The following RNFT1 variants were observed in gnomAD, a reference collection of about 807,000 sequenced individuals.
The protein encoded by RNFT1 is ring finger protein, transmembrane 1, also known as E3 ubiquitin-protein ligase RNFT1.
Under a neutral mutation model 53.2 loss-of-function variants are expected in RNFT1, and 35 were observed. That is an observed-to-expected ratio of 0.66 (90% CI 0.50 to 0.87). The LOEUF (loss-of-function observed/expected upper bound fraction) is 0.87, where lower values mean the gene tolerates loss of function less well. RNFT1 is among the 40% of genes least tolerant of loss of function. RNFT1 has a pLI of 0.00. For missense variants in RNFT1, 421 were observed against 515.0 expected (o/e 0.82, Z 1.77); for synonymous variants, 141 against 172.8 (o/e 0.82, Z 1.44).
intron 7 of RNFT1, among the ~76,000 whole-genome samples, chr17:59,955,142 C>T (rs1282097132): frequency 6.6e-6 from 1 of 152,128 alleles, no homozygotes; most frequent in East Asian, 1.9e-4. Context: ...ACTTCTTGTA[C>T]TAAAACGTCT....
chr17:59,964,558 G>T (rs1487051426), intron 1 of RNFT1, 50 bp downstream of exon 1: 1 of 1,543,714 alleles, frequency 6.5e-7, no homozygotes, highest in Non-Finnish European at 8.8e-7. Flanking sequence ...AGCCCCCTGC[G>T]CCGCGGCCCC....
At chr17:59,960,298 G>A (rs376044935) in intron 3 of RNFT1, 130 bp from the exon 4 acceptor site, 2 of 959,268 alleles carry the variant, frequency 2.1e-6, no homozygotes, top group East Asian at 3.1e-5. Flanking sequence ...ATGTTAAACT[G>A]TACATAATCA....
Position 59,957,340 on chromosome 17 carries a change from G to A in RNFT1, c.889C>T (p.Arg297Ter), listed in dbSNP as rs780311442. ...CAAACTGGTATGGGAACAAAAGTTC[G>A]GTAGTATTGACACAATTCTTCTAAA... The part of the protein sequence containing the change: ...MLLEELCQYY[R>*]TFVPIPVWFR... The change falls in exon 6 of 9, where the codon CGA (arginine) becomes TGA (stop). Residue 297 changes from arginine to a stop codon, truncating the protein, a stop_gained. Coordinates refer to ENST00000305783, the MANE Select transcript of RNFT1 (RefSeq NM_016125.4). LOFTEE classifies it high-confidence loss of function. 6.2e-6 allele frequency: 10 copies of A among 1,613,634 alleles called. No homozygotes were observed. The highest frequency in any genetic ancestry group is 1.1e-5 in the South Asian group (1 of 91,004).
intron 3 of RNFT1, among the ~76,000 whole-genome samples, chr17:59,961,582 CTCTT>C (rs1390447317): frequency 6.6e-6 from 1 of 151,630 alleles, no homozygotes; most frequent in Non-Finnish European, 1.5e-5. Context: ...TTCATTTTCT[CTCTT>C]TTTTTTTTTG....
intron 1 of RNFT1, among the ~76,000 whole-genome samples, 180 bp from the exon 2 acceptor site, chr17:59,963,464 C>T (rs994748286): frequency 6.6e-6 from 1 of 151,720 alleles, no homozygotes; most frequent in Admixed American, 6.6e-5. Context: ...TGCTGCCCTA[C>T]ACAAATGATC....
chr17:59,955,739 C>T lies in RNFT1; in HGVS notation c.1071+749G>A, dbSNP rs563680388. Among the ~76,000 whole-genome samples the T allele has an allele frequency of 3.3e-5, 5 of 152,102 alleles. No individual in the cohort carries two copies. The South Asian group carries it at 6.2e-4, about 19-fold the overall frequency. ...AGACATAATTCTTTTTTTATTTTTA[C>T]GGTATATTATTCGGTTGGCATTCTT... On this transcript the variant is annotated intron_variant, in intron 7 of 8. Coordinates refer to ENST00000305783, the MANE Select transcript of RNFT1 (RefSeq NM_016125.4).
At chr17:59,961,882 C>CTTTTTTTT (rs71370154) in intron 3 of RNFT1, among the ~76,000 whole-genome samples, 2 of 91,458 alleles carry the variant, frequency 2.2e-5, no homozygotes, top group Non-Finnish European at 4.0e-5. Flanking sequence ...TGGCCCAGGT[C>CTTTTTTTT]TTTTTTTTTT....
At position 59,953,047 on chromosome 17, in the gene RNFT1, C is replaced by T. The variant is rs1304644578; in HGVS notation, c.1238G>A (p.Arg413Lys). 6.2e-7 allele frequency: 1 copy of T among 1,612,918 alleles called. No individual in the cohort carries two copies. ...GTTTATATGGTCTGAAATCACAGTT[C>T]TGCAGAGTGGACATGTTTTCTCTCT... Reference protein sequence around the residue: ...FNREKTCPLCRTVISDHINKW... With the variant: ...FNREKTCPLCKTVISDHINKW... The change falls in exon 9 of 9, where the codon AGA (arginine) becomes AAA (lysine). Residue 413 changes from arginine (R) to lysine (K), a missense_variant. Transcript: ENST00000305783.
rs894324258 is a variant in RNFT1 at position 59,953,085 on chromosome 17, G to A, written c.1200C>T (p.Thr400=). The part of the protein sequence containing the change: ...CQHIFCEECM[T]LWFNREKTCP... ...ATGTTTTCTCTCTGTTAAACCATAA[G>A]GTCATGCACTCTTCACAAAATATAT... The change falls in exon 9 of 9, where the codon ACC becomes ACT. Residue 400 remains threonine, a synonymous_variant. Coordinates refer to ENST00000305783, the MANE Select transcript of RNFT1 (RefSeq NM_016125.4). 6.2e-7 allele frequency: 1 copy of A among 1,609,392 alleles called. No individual in the cohort carries two copies. The highest frequency in any genetic ancestry group is 8.5e-7 in the Non-Finnish European group (1 of 1,176,248).
At chr17:59,957,592 G>A (rs1175159490) in intron 5 of RNFT1, among the ~76,000 whole-genome samples, 1 of 152,100 alleles carries the variant, frequency 6.6e-6, no homozygotes, top group African/African-American at 2.4e-5. Context: ...TAGGTTGGAC[G>A]CAGTGGCTCC....
rs2145122419 is a variant in RNFT1, at chr17:59,964,702, A to G, written c.-39T>C. The G allele has an allele frequency of 1.3e-6, 2 of 1,571,522 alleles. No homozygotes were observed. Among genetic ancestry groups the G allele is most frequent in the East Asian group, 4.8e-5 (2 of 41,806 alleles). On this transcript the variant is annotated 5_prime_UTR_variant, in exon 1 of 9. Coordinates refer to ENST00000305783, the MANE Select transcript of RNFT1 (RefSeq NM_016125.4). ...CCCTTCAGTCGGGGCCATCAACCGC[A>G]AACCCCGCAAGCTCTTCTCTCAGCC... is the stretch of plus-strand genomic sequence containing the variant.
chr17:59,959,894 A>G, intron 4 of RNFT1, 174 bp downstream of exon 4: 1 of 502,114 alleles, frequency 2.0e-6, no homozygotes, highest in South Asian at 3.8e-5. Context: ...TGGGCGAGAG[A>G]GTGAGACTCC....
intron 7 of RNFT1, among the ~76,000 whole-genome samples, chr17:59,956,139 A>G (rs112808730): frequency 4.7e-4 from 71 of 152,304 alleles, no homozygotes; most frequent in African/African-American, 1.6e-3. Context: ...AGGAACAAAC[A>G]AAGCCCCCAT....
intron 5 of RNFT1, 82 bp from the exon 6 acceptor site, chr17:59,957,464 A>G (rs1209527530): frequency 4.5e-6 from 4 of 895,062 alleles, no homozygotes; most frequent in Non-Finnish European, 6.7e-6. Flanking sequence ...GAGAACACTG[A>G]GTATATTATA....
At chr17:59,956,938 A>G (rs771175584) in intron 6 of RNFT1, among the ~76,000 whole-genome samples, 22 of 152,226 alleles carry the variant, frequency 1.4e-4, no homozygotes, top group Non-Finnish European at 2.5e-4. Context: ...GTGTATGACA[A>G]TGTTACTGTT....
chr17:59,960,881 G>T (rs746249689), intron 3 of RNFT1, among the ~76,000 whole-genome samples: 16 of 151,704 alleles, frequency 1.1e-4, no homozygotes, highest in African/African-American at 1.7e-4. Context: ...CACTTGTCAA[G>T]GTTTATATTT....
intron 7 of RNFT1, 29 bp downstream of exon 7, chr17:59,956,459 G>A (rs752209004): frequency 6.5e-7 from 1 of 1,547,292 alleles, no homozygotes; most frequent in South Asian, 1.2e-5. Flanking sequence ...AGGTGAAGGT[G>A]TTTTTCTTAA....
intron 1 of RNFT1, among the ~76,000 whole-genome samples, chr17:59,963,612 G>A (rs1364867491): frequency 2.0e-5 from 3 of 152,094 alleles, no homozygotes; most frequent in African/African-American, 7.2e-5. Context: ...TCCTCACTGG[G>A]TACTCTGGTA....
chr17:59,960,034 A>C (rs1568544797), intron 4 of RNFT1, 34 bp downstream of exon 4: 1 of 1,564,054 alleles, frequency 6.4e-7, no homozygotes, highest in Non-Finnish European at 8.7e-7. Flanking sequence ...TGATTACATT[A>C]AAAATGTAAT....
Sources: gnomAD v4.1 joint callset for allele counts (sites outside exome capture counted in the v4.1 genomes callset) on GRCh38, gnomAD v4.1.1 for gene constraint, MANE v1.5 for transcripts, NCBI Gene and HGNC (gene_info 2026-07-23, HGNC 2026-07-21) for gene names.